DLGAP1: variants seen among roughly 807,000 people sequenced by gnomAD.
DLGAP1 encodes DLG associated protein 1, also known as disks large-associated protein 1.
A neutral mutation model predicts 90.8 loss-of-function variants in DLGAP1; 11 were observed. The observed-to-expected ratio is 0.12, with a 90% CI of 0.08 to 0.20. DLGAP1 has a LOEUF of 0.20. Among genes scored for constraint, DLGAP1 ranks in the 10% least tolerant of loss-of-function variants. The probability of loss-of-function intolerance (pLI) is 1.00; values close to 1 mark genes in which losing one functional copy is unlikely to be tolerated. For missense variants in DLGAP1, 1,050 were observed against 1,333.8 expected, an observed-to-expected ratio of 0.79 and a Z score of 3.31; for synonymous variants, 558 against 540.7, an observed-to-expected ratio of 1.03 and a Z score of -0.44.
intron 9 of DLGAP1, among the ~76,000 whole-genome samples, chr18:3,546,830 C>A (rs1307644135): frequency 6.6e-6 from 1 of 151,900 alleles, no homozygotes; most frequent in East Asian, 1.9e-4. Context: ...GCGAATGCAG[C>A]TCAAGGTAAA....
intron 3 of DLGAP1, among the ~76,000 whole-genome samples, chr18:3,923,354 A>G (rs756969616): frequency 1.4e-4 from 22 of 151,860 alleles, no homozygotes; most frequent in Non-Finnish European, 2.7e-4. Context: ...AATAAGACTG[A>G]ACAACTTTTC....
intron 4 of DLGAP1, among the ~76,000 whole-genome samples, chr18:3,865,975 T>C (rs2070357383): frequency 6.6e-6 from 1 of 152,214 alleles, no homozygotes; most frequent in Non-Finnish European, 1.5e-5. Flanking sequence ...ATGTTCAGTA[T>C]GGTGCTGTGG....
At chr18:3,626,597 A>AAC in intron 7 of DLGAP1, among the ~76,000 whole-genome samples, 1 of 151,174 alleles carries the variant, frequency 6.6e-6, no homozygotes, top group Non-Finnish European at 1.5e-5. Context: ...AACCTGTTAA[A>AAC]AAAAAAAAAA....
In DLGAP1 at chr18:4,064,318, C is replaced by T. The variant is rs187221819; in HGVS notation, c.-158-59117G>A. Among the ~76,000 whole-genome samples, 5 of 151,858 alleles carry T rather than the reference C, an allele frequency of 3.3e-5. No individual in the cohort carries two copies. In the East Asian group the frequency reaches 9.7e-4, roughly 29 times the overall value. ...CAACTGAAGGGACCCCTCTTCTCAG[C>T]CAAGGACATTCCAAAGTTAATTTGA... On this transcript the variant is annotated intron_variant, in intron 2 of 12. Coordinates refer to ENST00000315677, the MANE Select transcript of DLGAP1 (RefSeq NM_004746.4).
intron 4 of DLGAP1, among the ~76,000 whole-genome samples, chr18:3,864,326 G>A (rs1294633364): frequency 1.3e-5 from 2 of 152,102 alleles, no homozygotes; most frequent in African/African-American, 2.4e-5. Flanking sequence ...AATTGGCATG[G>A]TTTAATTTTA....
chr18:3,569,083 C>T (rs1049505688), intron 8 of DLGAP1, among the ~76,000 whole-genome samples: 3 of 151,680 alleles, frequency 2.0e-5, no homozygotes, highest in Non-Finnish European at 2.9e-5. Context: ...GCTCCTGCAA[C>T]CTCCGCTTCC....
At chr18:4,109,099 T>C (rs908204347) in intron 2 of DLGAP1, among the ~76,000 whole-genome samples, 3 of 152,084 alleles carry the variant, frequency 2.0e-5, no homozygotes, top group Admixed American at 1.3e-4. Flanking sequence ...GAAATGATTA[T>C]ATTGTGGGAA....
At chr18:4,227,803 A>AAG (rs2078223221) in intron 1 of DLGAP1, among the ~76,000 whole-genome samples, 1 of 151,800 alleles carries the variant, frequency 6.6e-6, no homozygotes, top group Non-Finnish European at 1.5e-5. Context: ...TCAGACAAGC[A>AAG]AGAGCAAACC....
chr18:3,688,484 A>G (rs2060779088), intron 7 of DLGAP1, among the ~76,000 whole-genome samples: 1 of 152,098 alleles, frequency 6.6e-6, no homozygotes, highest in Non-Finnish European at 1.5e-5. Context: ...AAAAAAAAAC[A>G]AAAGAAAAAT....
At chr18:3,583,087 C>T (rs910342428) in intron 7 of DLGAP1, among the ~76,000 whole-genome samples, 4 of 151,554 alleles carry the variant, frequency 2.6e-5, no homozygotes, top group African/African-American at 7.3e-5. Flanking sequence ...GGATTACAAG[C>T]GTGAGCCACC....
At chr18:4,268,892 A>G (rs2079192358) in intron 1 of DLGAP1, among the ~76,000 whole-genome samples, 1 of 152,170 alleles carries the variant, frequency 6.6e-6, no homozygotes, top group South Asian at 2.1e-4. Flanking sequence ...AGATCAGTAA[A>G]GAATAAGATC....
At chr18:4,253,164 G>T (rs1280184260) in intron 1 of DLGAP1, among the ~76,000 whole-genome samples, 1 of 152,110 alleles carries the variant, frequency 6.6e-6, no homozygotes, top group African/African-American at 2.4e-5. Context: ...ATAAAGGAAA[G>T]AATCCTAAGA....
chr18:3,709,887 G>A (rs1435946869), intron 7 of DLGAP1, among the ~76,000 whole-genome samples: 3 of 152,054 alleles, frequency 2.0e-5, no homozygotes, highest in Non-Finnish European at 2.9e-5. Flanking sequence ...TGGGCATAAG[G>A]GTATGATCTC....
At chr18:3,745,218 C>T (rs1422730645) in intron 5 of DLGAP1, among the ~76,000 whole-genome samples, 3 of 152,158 alleles carry the variant, frequency 2.0e-5, no homozygotes, top group African/African-American at 4.8e-5. Flanking sequence ...GAAGTGATAT[C>T]TGAAGGGTAT....
chr18:4,453,061 A>C (rs962738262), intron 1 of DLGAP1, among the ~76,000 whole-genome samples: 22 of 152,140 alleles, frequency 1.4e-4, no homozygotes, highest in African/African-American at 5.3e-4. Context: ...GGTAACTAAC[A>C]TTTTCTCTTA....
intron 4 of DLGAP1, among the ~76,000 whole-genome samples, chr18:3,844,013 G>A (rs1046382131): frequency 2.6e-5 from 4 of 152,080 alleles, no homozygotes; most frequent in African/African-American, 9.7e-5. Context: ...CAATTTCAAG[G>A]AATGAAATAA....
At chr18:4,195,581 C>T (rs1404376972) in intron 1 of DLGAP1, among the ~76,000 whole-genome samples, 5 of 151,696 alleles carry the variant, frequency 3.3e-5, no homozygotes, top group African/African-American at 7.3e-5. Context: ...GATGGAGTTT[C>T]GCTCTTGTTG....
Position 3,934,333 on chromosome 18 carries a change from C to G in DLGAP1, c.-72-54193G>C, listed in dbSNP as rs78370807. ...CAGCTCCCTGGAAAGGAGAAACTCT[C>G]CAGAGGAGACTTGCAAAGATGAGTT... On this transcript the variant is annotated intron_variant, in intron 3 of 12. Coordinates refer to ENST00000315677, the MANE Select transcript of DLGAP1 (RefSeq NM_004746.4). Among the ~76,000 whole-genome samples the G allele has an allele frequency of 5.0e-3, 762 of 152,292 alleles. 3 individuals carry two copies. Among genetic ancestry groups the G allele is most frequent in the Non-Finnish European group, 8.0e-3 (541 of 68,024 alleles).
chr18:4,120,577 T>C (rs2076136173), intron 2 of DLGAP1, among the ~76,000 whole-genome samples: 2 of 152,232 alleles, frequency 1.3e-5, no homozygotes, highest in Admixed American at 6.5e-5. Context: ...GGGAGGTCTA[T>C]AGGTTTCGCC....
Sources: gnomAD v4.1 joint callset for allele counts (sites outside exome capture counted in the v4.1 genomes callset) on GRCh38, gnomAD v4.1.1 for gene constraint, MANE v1.5 for transcripts, NCBI Gene and HGNC (gene_info 2026-07-23, HGNC 2026-07-21) for gene names.